Variants in SLC30A8 observed in about 807,000 individuals in gnomAD.
SLC30A8 encodes solute carrier family 30 member 8, also known as proton-coupled zinc antiporter SLC30A8.
SLC30A8 carries 27 observed loss-of-function variants against 36.9 expected under a neutral mutation model. That is an observed-to-expected ratio of 0.73 (90% CI 0.54 to 1.01). The LOEUF is 1.01. Among genes scored for constraint, SLC30A8 ranks in the 50% least tolerant of loss-of-function variants. The probability of loss-of-function intolerance (pLI) is 0.00; values close to 1 mark genes in which losing one functional copy is unlikely to be tolerated. For missense variants in SLC30A8, 439 were observed against 452.0 expected, an observed-to-expected ratio of 0.97 and a Z score of 0.26; for synonymous variants, 164 against 172.4, an observed-to-expected ratio of 0.95 and a Z score of 0.38.
chr8:117,015,586 T>C (rs1335627383), intron 1 of SLC30A8, among the ~76,000 whole-genome samples: 1 of 152,002 alleles, frequency 6.6e-6, no homozygotes, highest in East Asian at 1.9e-4. Flanking sequence ...GTGTCAAACC[T>C]GTTTGTGAAA....
At chr8:117,097,839 TA>T (rs578006995) in intron 2 of SLC30A8, among the ~76,000 whole-genome samples, 2 of 81,694 alleles carry the variant, frequency 2.4e-5, no homozygotes, top group African/African-American at 9.6e-5. Context: ...ATATAATATA[TA>T]ATTTTAAATA....
At chr8:117,066,591 A>G (rs1818178612) in intron 2 of SLC30A8, among the ~76,000 whole-genome samples, 1 of 152,124 alleles carries the variant, frequency 6.6e-6, no homozygotes. Context: ...ACTGTGACAC[A>G]GATTGGGTGA....
rs927398701 is a variant in SLC30A8 at position 117,147,004 on chromosome 8, G to T, written c.122G>T (p.Arg41Ile). ...PVNKDQCPRE[R>I]PEELESGGMY... ...AATAAAGATCAGTGTCCCAGAGAGA[G>T]ACCAGAGGAGCTGGAGTCAGGAGGC... The change falls in exon 2 of 8, where the codon AGA (arginine) becomes ATA (isoleucine). Residue 41 changes from arginine (R) to isoleucine (I), a missense_variant. By Grantham distance (97) the Arg-to-Ile change is moderately conservative (BLOSUM62 -3). Coordinates refer to ENST00000456015, the MANE Select transcript of SLC30A8 (RefSeq NM_173851.3). 6.2e-7 allele frequency: 1 copy of T among 1,613,996 alleles called. No homozygotes were observed. Among genetic ancestry groups the T allele is most frequent in the East Asian group, 2.2e-5 (1 of 44,862 alleles).
chr8:117,138,259 A>G (rs1821463489), intron 1 of SLC30A8, among the ~76,000 whole-genome samples: 1 of 151,978 alleles, frequency 6.6e-6, no homozygotes, highest in South Asian at 2.1e-4. Context: ...AACCTTTACA[A>G]CAACTATTTA....
At chr8:117,110,110 A>C (rs1820160360) in intron 2 of SLC30A8, among the ~76,000 whole-genome samples, 1 of 152,168 alleles carries the variant, frequency 6.6e-6, no homozygotes, top group Non-Finnish European at 1.5e-5. Flanking sequence ...ATTAGAATAA[A>C]AGCATGTTGA....
At chr8:117,009,047 TA>T (rs1293243257) in intron 1 of SLC30A8, among the ~76,000 whole-genome samples, 2 of 152,232 alleles carry the variant, frequency 1.3e-5, no homozygotes, top group Non-Finnish European at 2.9e-5. Flanking sequence ...CCTGAACAAA[TA>T]ACTCTTCTAC....
At chr8:117,147,940 A>AAT (rs1323860293) in intron 2 of SLC30A8, among the ~76,000 whole-genome samples, 1 of 151,962 alleles carries the variant, frequency 6.6e-6, no homozygotes, top group African/African-American at 2.4e-5. Flanking sequence ...CTTGTCTCTT[A>AAT]ATGTCTGTTA....
chr8:117,041,655 C>G (rs947383699), intron 2 of SLC30A8, among the ~76,000 whole-genome samples: 1 of 151,856 alleles, frequency 6.6e-6, no homozygotes, highest in East Asian at 1.9e-4. Flanking sequence ...GGCCATTGCA[C>G]TCCACCCTGG....
intron 7 of SLC30A8, 103 bp downstream of exon 7, chr8:117,171,271 G>T (rs180807318): frequency 7.8e-6 from 10 of 1,288,116 alleles, no homozygotes; most frequent in Non-Finnish European, 1.1e-5. Context: ...TCTGTTGCTT[G>T]TCAAAACATT....
chr8:117,139,831 C>T (rs1450510445), intron 1 of SLC30A8, among the ~76,000 whole-genome samples: 1 of 143,158 alleles, frequency 7.0e-6, no homozygotes, highest in Admixed American at 7.1e-5. Flanking sequence ...AGAGGCTGCG[C>T]ATGCAGGGAA....
intron 6 of SLC30A8, among the ~76,000 whole-genome samples, chr8:117,169,304 CGA>C (rs1823240169): frequency 6.6e-6 from 1 of 152,064 alleles, no homozygotes; most frequent in Non-Finnish European, 1.5e-5. Context: ...CATTTTTTGC[CGA>C]GTGTTCCATT....
intron 2 of SLC30A8, among the ~76,000 whole-genome samples, chr8:117,041,935 T>A (rs920376866): frequency 1.3e-5 from 2 of 152,196 alleles, no homozygotes; most frequent in African/African-American, 4.8e-5. Context: ...GAAAACAGAT[T>A]TCCCAATGAA....
intron 2 of SLC30A8, among the ~76,000 whole-genome samples, chr8:117,088,131 G>A (rs1818954278): frequency 6.6e-6 from 1 of 152,096 alleles, no homozygotes; most frequent in South Asian, 2.1e-4. Context: ...GAATGCATAA[G>A]GCAGAGATCC....
intron 1 of SLC30A8, among the ~76,000 whole-genome samples, chr8:117,010,925 C>T (rs942587273): frequency 4.6e-5 from 7 of 152,248 alleles, no homozygotes; most frequent in Admixed American, 2.6e-4. Flanking sequence ...TTAGAAACTG[C>T]CCCCGTGATC....
intron 1 of SLC30A8, among the ~76,000 whole-genome samples, chr8:116,977,274 G>A (rs1015802916): frequency 4.2e-5 from 6 of 144,038 alleles, no homozygotes; most frequent in African/African-American, 7.8e-5. Flanking sequence ...TCAGCCACCC[G>A]AGTAGCTGGG....
chr8:117,025,544 A>G (rs1462020175), intron 1 of SLC30A8, among the ~76,000 whole-genome samples: 1 of 152,210 alleles, frequency 6.6e-6, no homozygotes, highest in Non-Finnish European at 1.5e-5. Flanking sequence ...GTTAGGGACA[A>G]TGACAGCGCT....
intron 2 of SLC30A8, among the ~76,000 whole-genome samples, chr8:117,120,254 T>TA (rs1224803519): frequency 1.3e-5 from 2 of 151,920 alleles, no homozygotes; most frequent in Admixed American, 1.3e-4. Flanking sequence ...GTATAGTACT[T>TA]ACATAAAGAC....
At chr8:117,072,837 CTTTTTTTT>C (rs59816392) in intron 2 of SLC30A8, among the ~76,000 whole-genome samples, 1 of 139,758 alleles carries the variant, frequency 7.2e-6, no homozygotes, top group East Asian at 2.1e-4. Flanking sequence ...AATCCTACTA[CTTTTTTTT>C]TTTTTTTTTC....
intron 1 of SLC30A8, among the ~76,000 whole-genome samples, chr8:116,962,009 A>C (rs1586330755): frequency 6.6e-6 from 1 of 151,998 alleles, no homozygotes; most frequent in East Asian, 1.9e-4. Flanking sequence ...AAATCACAGC[A>C]GTCAGTACTT....
Sources: allele counts gnomAD v4.1 joint callset (sites outside exome capture counted in the v4.1 genomes callset), GRCh38; gene constraint gnomAD v4.1.1; transcripts MANE v1.5; gene names NCBI Gene and HGNC (gene_info 2026-07-23, HGNC 2026-07-21).